ARID4B: variants seen among roughly 807,000 people sequenced by gnomAD.
ARID4B encodes AT-rich interactive domain-containing protein 4B.
Under a neutral mutation model 147.5 loss-of-function variants are expected in ARID4B, and 26 were observed. The ratio of observed to expected loss-of-function variants is 0.18; its 90% confidence interval spans 0.13 to 0.24. ARID4B has a LOEUF of 0.24. Ranked by LOEUF, ARID4B falls within the 10% of genes least tolerant of loss-of-function variation. ARID4B has a pLI of 1.00. For synonymous variants in ARID4B, 512 were observed against 507.9 expected (o/e 1.01, Z -0.11); for missense variants, 1,179 against 1,511.5 (o/e 0.78, Z 3.65).
intron 2 of ARID4B, among the ~76,000 whole-genome samples, chr1:235,306,502 CAAA>C (rs35505288): frequency 7.7e-6 from 1 of 129,610 alleles, no homozygotes; most frequent in Non-Finnish European, 1.6e-5. Flanking sequence ...GACTCCATCT[CAAA>C]AAAAAAAAAA....
At chr1:235,209,784 G>A (rs919483535) in intron 17 of ARID4B, among the ~76,000 whole-genome samples, 43 of 151,894 alleles carry the variant, frequency 2.8e-4, no homozygotes, top group African/African-American at 9.9e-4. Context: ...GGCTGGTTTC[G>A]AACTCCTGAC....
intron 16 of ARID4B, among the ~76,000 whole-genome samples, chr1:235,219,218 A>C (rs1380669463): frequency 1.3e-5 from 2 of 152,000 alleles, no homozygotes; most frequent in Non-Finnish European, 2.9e-5. Context: ...AGACACTAAC[A>C]GATATGTTTA....
At chr1:235,301,982 C>T (rs1468279286) in intron 2 of ARID4B, among the ~76,000 whole-genome samples, 1 of 150,468 alleles carries the variant, frequency 6.6e-6, no homozygotes, top group Non-Finnish European at 1.5e-5. Flanking sequence ...CATGGGCCAC[C>T]GCGCCCAGCC....
intron 2 of ARID4B, among the ~76,000 whole-genome samples, chr1:235,291,137 C>T (rs2103210767): frequency 6.6e-6 from 1 of 152,206 alleles, no homozygotes; most frequent in Non-Finnish European, 1.5e-5. Context: ...TGGCTCACGC[C>T]TATAATTCCA....
At chr1:235,196,876 TAAG>T (rs1174694877) in intron 17 of ARID4B, among the ~76,000 whole-genome samples, 1 of 110,092 alleles carries the variant, frequency 9.1e-6, no homozygotes, top group Non-Finnish European at 1.9e-5. Flanking sequence ...AAAAAAGAAA[TAAG>T]AAAAGAAAAG....
intron 11 of ARID4B, among the ~76,000 whole-genome samples, chr1:235,225,980 G>C (rs1362704758): frequency 6.6e-6 from 1 of 152,072 alleles, no homozygotes; most frequent in Non-Finnish European, 1.5e-5. Context: ...GTTTTGGTAA[G>C]GTGATCAAAT....
chr1:235,186,608 G>T (rs891718785), intron 19 of ARID4B, among the ~76,000 whole-genome samples: 1 of 151,890 alleles, frequency 6.6e-6, no homozygotes. Context: ...TCACCCTATT[G>T]GTCAGGCTGG....
chr1:235,255,258 GATAGATATAT>G (rs1669890964), intron 5 of ARID4B, among the ~76,000 whole-genome samples: 2 of 86,558 alleles, frequency 2.3e-5, no homozygotes, highest in South Asian at 6.4e-4. Context: ...TAGATAGATA[GATAGATATAT>G]ATCTCTCTCT....
chr1:235,245,192 TA>T (rs1669224253), intron 7 of ARID4B, among the ~76,000 whole-genome samples: 1 of 152,182 alleles, frequency 6.6e-6, no homozygotes, highest in Non-Finnish European at 1.5e-5. Flanking sequence ...GGAAAACCAC[TA>T]ACTTAGAATG....
At chr1:235,302,008 A>G (rs1414870233) in intron 2 of ARID4B, among the ~76,000 whole-genome samples, 1 of 151,378 alleles carries the variant, frequency 6.6e-6, no homozygotes, top group Admixed American at 6.6e-5. Context: ...ACTCTTTTAT[A>G]TTTTTAGTGG....
In ARID4B at chr1:235,196,490, T is replaced by A. The variant is rs112627568; in HGVS notation, c.1842-375A>T. Among the ~76,000 whole-genome samples the A allele has an allele frequency of 6.0e-3, 914 of 152,294 alleles. 14 individuals are homozygous for A. The highest frequency in any genetic ancestry group is 0.021 in the African/African-American group (872 of 41,558). ...TCATTCTTAAGCAGCAGGTAGGCAATTTTTCTCTAGACACATCAGAGAGCT... is the reference window on the plus strand; with the variant it reads ...TCATTCTTAAGCAGCAGGTAGGCAAATTTTCTCTAGACACATCAGAGAGCT... On this transcript the variant is annotated intron_variant, in intron 17 of 23. Transcript: ENST00000264183.
chr1:235,216,806 T>G (rs1667121904), intron 16 of ARID4B, among the ~76,000 whole-genome samples: 1 of 149,572 alleles, frequency 6.7e-6, no homozygotes, highest in South Asian at 2.1e-4. Context: ...AATTTTTTTT[T>G]GAAAGAATAC....
intron 2 of ARID4B, among the ~76,000 whole-genome samples, chr1:235,269,159 C>T (rs1670809395): frequency 6.6e-6 from 1 of 151,966 alleles, no homozygotes; most frequent in Non-Finnish European, 1.5e-5. Context: ...TCCGTGAGTC[C>T]ATATTGACAA....
intron 7 of ARID4B, 32 bp downstream of exon 7, chr1:235,246,388 G>T: frequency 6.8e-7 from 1 of 1,476,390 alleles, no homozygotes; most frequent in South Asian, 1.1e-5. Context: ...AATGAATTCA[G>T]GTTCAACTAA....
chr1:235,199,395 A>G (rs1244017524), intron 17 of ARID4B, among the ~76,000 whole-genome samples: 1 of 152,120 alleles, frequency 6.6e-6, no homozygotes, highest in Admixed American at 6.6e-5. Flanking sequence ...TGCTCTTTGT[A>G]TAAAACACAG....
intron 8 of ARID4B, 125 bp from the exon 9 acceptor site, chr1:235,234,617 A>C: frequency 1.6e-6 from 1 of 618,916 alleles, no homozygotes; most frequent in African/African-American, 2.3e-5. Context: ...TTTGAGGGTA[A>C]ACAGGCACAC....
intron 23 of ARID4B, among the ~76,000 whole-genome samples, 191 bp from the exon 24 acceptor site, chr1:235,168,843 C>G (rs1450581314): frequency 6.6e-6 from 1 of 152,202 alleles, no homozygotes; most frequent in Non-Finnish European, 1.5e-5. Context: ...AGAAGCTAGA[C>G]AGTGCCCAAC....
intron 6 of ARID4B, among the ~76,000 whole-genome samples, chr1:235,249,938 C>CAAA: frequency 1.1e-5 from 1 of 92,712 alleles, no homozygotes; most frequent in Admixed American, 1.2e-4. Context: ...GACTCCATCT[C>CAAA]AAAAAAAAAA....
intron 9 of ARID4B, among the ~76,000 whole-genome samples, chr1:235,232,513 G>C (rs1668304295): frequency 6.6e-6 from 1 of 151,276 alleles, no homozygotes; most frequent in East Asian, 1.9e-4. Flanking sequence ...GGCCAAAGTG[G>C]GCAGATCACT....
Sources: allele counts gnomAD v4.1 joint callset (sites outside exome capture counted in the v4.1 genomes callset), GRCh38; gene constraint gnomAD v4.1.1; transcripts MANE v1.5; gene names NCBI Gene and HGNC (gene_info 2026-07-23, HGNC 2026-07-21).